DRD2: variants seen among roughly 807,000 people sequenced by gnomAD.
The protein encoded by DRD2 is dopamine receptor D2.
A neutral mutation model predicts 38.0 loss-of-function variants in DRD2; 8 were observed. That is an observed-to-expected ratio of 0.21 (90% CI 0.12 to 0.38). DRD2 has a LOEUF of 0.38. Ranked by LOEUF, DRD2 falls within the 10% of genes least tolerant of loss-of-function variation. The probability of loss-of-function intolerance (pLI) is 1.00; values close to 1 mark genes in which losing one functional copy is unlikely to be tolerated. For synonymous variants in DRD2, 230 were observed against 238.6 expected, an observed-to-expected ratio of 0.96 and a Z score of 0.33; for missense variants, 403 against 607.7, an observed-to-expected ratio of 0.66 and a Z score of 3.54.
At chr11:113,462,747 C>T (rs1951335216) in intron 1 of DRD2, among the ~76,000 whole-genome samples, 1 of 152,250 alleles carries the variant, frequency 6.6e-6, no homozygotes, top group African/African-American at 2.4e-5. Context: ...CACAGGTGGG[C>T]AGCCAATCTG....
chr11:113,426,628 A>G (rs1038604991), intron 1 of DRD2, among the ~76,000 whole-genome samples: 5 of 152,100 alleles, frequency 3.3e-5, no homozygotes, highest in African/African-American at 9.7e-5. Context: ...CCCAATCTCC[A>G]CACTCTCATC....
At chr11:113,441,155 A>G (rs544551561) in intron 1 of DRD2, among the ~76,000 whole-genome samples, 29 of 152,194 alleles carry the variant, frequency 1.9e-4, no homozygotes, top group Non-Finnish European at 2.4e-4. Context: ...TCATCTGAGA[A>G]CCAGATGTTT....
chr11:113,449,367 C>A (rs1228124371), intron 1 of DRD2, among the ~76,000 whole-genome samples: 1 of 152,058 alleles, frequency 6.6e-6, no homozygotes, highest in African/African-American at 2.4e-5. Flanking sequence ...TGTCCCAGAC[C>A]CCTGGGGGAG....
chr11:113,465,467 A>G (rs1045760064), intron 1 of DRD2, among the ~76,000 whole-genome samples: 9 of 151,298 alleles, frequency 5.9e-5, no homozygotes, highest in Admixed American at 2.0e-4. Context: ...GAATCACTGG[A>G]GTTGTCCCTG....
At chr11:113,421,445 C>T (rs553011358) in intron 2 of DRD2, among the ~76,000 whole-genome samples, 3 of 152,264 alleles carry the variant, frequency 2.0e-5, no homozygotes, top group Non-Finnish European at 4.4e-5. Context: ...TCAATCTCCT[C>T]ATCTAGAAAA....
chr11:113,448,420 C>T (rs1565673628), intron 1 of DRD2, among the ~76,000 whole-genome samples: 1 of 152,204 alleles, frequency 6.6e-6, no homozygotes, highest in Admixed American at 6.5e-5. Flanking sequence ...TTCTTGGAAA[C>T]ACAGAGACTC....
At chr11:113,455,261 G>C (rs1242485934) in intron 1 of DRD2, among the ~76,000 whole-genome samples, 2 of 152,142 alleles carry the variant, frequency 1.3e-5, no homozygotes, top group African/African-American at 4.8e-5. Flanking sequence ...TACTTGGGAG[G>C]CTGAGGCAGA....
chr11:113,472,646 G>GC (rs1412102947), intron 1 of DRD2, among the ~76,000 whole-genome samples: 1 of 152,198 alleles, frequency 6.6e-6, no homozygotes, highest in African/African-American at 2.4e-5. Flanking sequence ...GTCACTTCCA[G>GC]CAGGGCATGA....
chr11:113,467,974 A>C (rs529458778), intron 1 of DRD2, among the ~76,000 whole-genome samples: 1 of 152,376 alleles, frequency 6.6e-6, no homozygotes, highest in East Asian at 1.9e-4. Flanking sequence ...GAAATGTAAA[A>C]TCAGGTGCTG....
chr11:113,472,826 C>A (rs914033136), intron 1 of DRD2, among the ~76,000 whole-genome samples: 1 of 152,116 alleles, frequency 6.6e-6, no homozygotes, highest in Admixed American at 6.5e-5. Context: ...CATAGAGGGA[C>A]AGTTAGTATT....
Position 113,417,014 on chromosome 11 carries a change from G to A in DRD2, c.396-15C>T. The stretch of plus-strand genomic sequence containing the variant: ...CAGCTGTGTACCTGCAAGGGCGGGG[G>A]ACCCTGAATCTGGGGTGCAGGCCCA... On this transcript the variant is annotated splice_polypyrimidine_tract_variant and intron_variant, in intron 3 of 7. Transcript: ENST00000362072. The A allele has an allele frequency of 6.2e-7, 1 of 1,613,102 alleles. No homozygotes were observed. The highest frequency in any genetic ancestry group is 8.5e-7 in the Non-Finnish European group (1 of 1,179,414).
intron 6 of DRD2, chr11:113,413,453 A>T: frequency 2.1e-6 from 1 of 470,008 alleles, no homozygotes; most frequent in Non-Finnish European, 4.3e-6. Flanking sequence ...GAGCCCTGGC[A>T]TGGATCCACT....
intron 1 of DRD2, among the ~76,000 whole-genome samples, chr11:113,443,192 C>T (rs899520151): frequency 6.6e-6 from 1 of 152,142 alleles, no homozygotes; most frequent in Non-Finnish European, 1.5e-5. Context: ...ATTCCTTTCT[C>T]ACCATGGCCT....
chr11:113,446,924 C>T (rs1383625043), intron 1 of DRD2, among the ~76,000 whole-genome samples: 2 of 152,186 alleles, frequency 1.3e-5, no homozygotes, highest in African/African-American at 4.8e-5. Context: ...CACACCATTG[C>T]CACAGGAGCT....
chr11:113,441,655 G>C (rs1011243482), intron 1 of DRD2, among the ~76,000 whole-genome samples: 1 of 152,076 alleles, frequency 6.6e-6, no homozygotes, highest in South Asian at 2.1e-4. Context: ...AGGACAGCCC[G>C]GCTCATGAGG....
intron 2 of DRD2, among the ~76,000 whole-genome samples, chr11:113,423,581 T>C (rs1475027248): frequency 1.3e-5 from 2 of 152,218 alleles, no homozygotes; most frequent in African/African-American, 4.8e-5. Flanking sequence ...GCCTGTTTCC[T>C]ATTTTGTAAA....
chr11:113,457,500 C>T (rs115443688), intron 1 of DRD2, among the ~76,000 whole-genome samples: 335 of 152,148 alleles, frequency 2.2e-3, no homozygotes, highest in African/African-American at 7.4e-3. Context: ...GCAATAGAAC[C>T]GGCCTCACTG....
chr11:113,421,328 G>A (rs1050708486), intron 2 of DRD2, among the ~76,000 whole-genome samples: 2 of 152,208 alleles, frequency 1.3e-5, no homozygotes, highest in African/African-American at 4.8e-5. Context: ...TGCATCCCCA[G>A]CAGGTCAGTG....
Position 113,412,538 on chromosome 11 carries a change from C to G in DRD2, c.1138+18G>C. 6.2e-7 allele frequency: 1 copy of G among 1,600,882 alleles called. No individual in the cohort carries two copies. Among genetic ancestry groups the G allele is most frequent in the Non-Finnish European group, 8.5e-7 (1 of 1,176,932 alleles). ...CTTTCACAGACCGGGCTGTGGCCAG[C>G]AGCCAGGGCCGACTCACCGAGAACA... On this transcript the variant is annotated intron_variant, in intron 7 of 7. Coordinates refer to ENST00000362072, the MANE Select transcript of DRD2 (RefSeq NM_000795.4).
Sources: allele counts gnomAD v4.1 joint callset (sites outside exome capture counted in the v4.1 genomes callset), GRCh38; gene constraint gnomAD v4.1.1; transcripts MANE v1.5; gene names NCBI Gene and HGNC (gene_info 2026-07-23, HGNC 2026-07-21).